The following AGAP1 variants were observed in gnomAD, a reference collection of about 807,000 sequenced individuals.
AGAP1 encodes arf-GAP with GTPase, ANK repeat and PH domain-containing protein 1.
AGAP1 carries 29 observed loss-of-function variants against 105.3 expected under a neutral mutation model. The ratio of observed to expected loss-of-function variants is 0.28; its 90% CI spans 0.21 to 0.38. The LOEUF (loss-of-function observed/expected upper bound fraction) is 0.38. Ranked by LOEUF, AGAP1 falls within the 10% of genes least tolerant of loss-of-function variation. The probability of loss-of-function intolerance (pLI) is 1.00; values close to 1 mark genes in which losing one functional copy is unlikely to be tolerated. For missense variants in AGAP1, 998 were observed against 1,165.1 expected (o/e 0.86, Z 2.09); for synonymous variants, 509 against 485.9 (o/e 1.05, Z -0.63).
Position 235,691,380 on chromosome 2 carries a change from G to A in AGAP1, c.164-17799G>A, listed in dbSNP as rs1354948088. Among the ~76,000 whole-genome samples the A allele has an allele frequency of 1.3e-5, 2 of 152,250 alleles. No individual in the cohort carries two copies. The stretch of plus-strand genomic sequence containing the variant: ...AATGGTTGCCAGTGCCTTACTTTTG[G>A]AGACAGGAATTGTTACACGTCTCCG... On this transcript the variant is annotated intron_variant, in intron 1 of 17. Coordinates refer to ENST00000304032, the MANE Select transcript of AGAP1 (RefSeq NM_001037131.3). This position sits in a 1 kb window ranked among gnomAD's most constrained non-coding sequence, Gnocchi z 4.4.
intron 13 of AGAP1, among the ~76,000 whole-genome samples, chr2:236,007,734 C>A (rs2125546239): frequency 6.6e-6 from 1 of 152,292 alleles, no homozygotes; most frequent in South Asian, 2.1e-4. Context: ...GAATGTTTCC[C>A]ATTATCACTC....
intron 9 of AGAP1, among the ~76,000 whole-genome samples, chr2:235,816,842 G>T (rs575870143): frequency 2.0e-4 from 31 of 151,698 alleles, no homozygotes; most frequent in Middle Eastern, 6.8e-3. Context: ...AGTGAGCCGA[G>T]ATCATGCTAC....
In AGAP1 at chr2:235,901,750, G is replaced by C. The variant is rs1022107528; in HGVS notation, c.1156-6988G>C. 6.6e-6 allele frequency among the ~76,000 whole-genome samples: 1 copy of C among 152,000 alleles called. No homozygotes were observed. The highest frequency in any genetic ancestry group is 1.5e-5 in the Non-Finnish European group (1 of 68,002). ...ACAGAAATTAGGTGAGCATAGGAAC[G>C]TGCCTGTAATCCCAGCTACTCAGGA... is the stretch of plus-strand genomic sequence containing the variant. On this transcript the variant is annotated intron_variant, in intron 10 of 17. Coordinates refer to ENST00000304032, the MANE Select transcript of AGAP1 (RefSeq NM_001037131.3). The surrounding 1 kb of genome is among the most constrained non-coding windows in gnomAD (Gnocchi z 4.3).
rs997642423 is a variant in AGAP1, at chr2:236,036,134, A to G, written c.1646-427A>G. 1.3e-5 allele frequency among the ~76,000 whole-genome samples: 2 copies of G among 152,100 alleles called. No homozygotes were observed. Among genetic ancestry groups the G allele is most frequent in the Admixed American group, 6.5e-5 (1 of 15,274 alleles). On this transcript the variant is annotated intron_variant, in intron 13 of 17. Transcript: ENST00000304032. This position sits in a 1 kb window ranked among gnomAD's most constrained non-coding sequence, Gnocchi z 5.7. ...AGAACCTTCCCGCGTTCCTCTATCCATGGAGTGTCTGTGGATCTACGCGAG... is the reference window on the plus strand; with the variant it reads ...AGAACCTTCCCGCGTTCCTCTATCCGTGGAGTGTCTGTGGATCTACGCGAG...
At position 235,961,636 on chromosome 2, in the gene AGAP1, G is replaced by A. The variant is rs900098173; in HGVS notation, c.1484-6826G>A. ...AAAATGTGAGATGACAGGGCCGGGC[G>A]TGGTGGCTCATGCCTATAATCCCAG... On this transcript the variant is annotated intron_variant, in intron 12 of 17. Coordinates refer to ENST00000304032, the MANE Select transcript of AGAP1 (RefSeq NM_001037131.3). The surrounding 1 kb of genome is among the most constrained non-coding windows in gnomAD (Gnocchi z 5.9). Among the ~76,000 whole-genome samples, 14 of 152,204 alleles carry A rather than the reference G, an allele frequency of 9.2e-5. No homozygotes were observed. Among genetic ancestry groups the A allele is most frequent in the Admixed American group, 3.9e-4 (6 of 15,280 alleles).
rs1944768757 is a variant in AGAP1 at position 235,577,387 on chromosome 2, G to A, written c.163+82538G>A. Reference sequence around the variant, plus strand: ...CACCTGTGGCTGGAGCTACTGTATTGGGCACCACGGCCTTAGGGTTTTGAT... The same window carrying A: ...CACCTGTGGCTGGAGCTACTGTATTAGGCACCACGGCCTTAGGGTTTTGAT... On this transcript the variant is annotated intron_variant, in intron 1 of 17. Coordinates refer to ENST00000304032, the MANE Select transcript of AGAP1 (RefSeq NM_001037131.3). The surrounding 1 kb of genome is among the most constrained non-coding windows in gnomAD (Gnocchi z 4.5). Among the ~76,000 whole-genome samples, 1 of 152,086 alleles carries A rather than the reference G, an allele frequency of 6.6e-6. No individual in the cohort carries two copies. Among genetic ancestry groups the A allele is most frequent in the Non-Finnish European group, 1.5e-5 (1 of 68,034 alleles).
At chr2:235,807,589 G>C (rs1430045895) in intron 9 of AGAP1, among the ~76,000 whole-genome samples, 1 of 152,222 alleles carries the variant, frequency 6.6e-6, no homozygotes, top group Non-Finnish European at 1.5e-5. Context: ...TCCAGGCTGA[G>C]AGCTTTCAAA....
Position 235,721,570 on chromosome 2 carries a change from C to T in AGAP1, c.310+3926C>T, listed in dbSNP as rs1951387008. Among the ~76,000 whole-genome samples, 1 of 152,160 alleles carries T rather than the reference C, an allele frequency of 6.6e-6. No individual in the cohort carries two copies. The highest frequency in any genetic ancestry group is 2.4e-5 in the African/African-American group (1 of 41,432). ...AGCACTGTAGTAACGAACTGCCACA[C>T]ACAGTGTGGCTTAAAACAGAAATGT... On this transcript the variant is annotated intron_variant, in intron 3 of 17. Coordinates refer to ENST00000304032, the MANE Select transcript of AGAP1 (RefSeq NM_001037131.3). This position sits in a 1 kb window ranked among gnomAD's most constrained non-coding sequence, Gnocchi z 4.5.
chr2:235,683,329 T>C (rs1949192233), intron 1 of AGAP1, among the ~76,000 whole-genome samples: 1 of 151,910 alleles, frequency 6.6e-6, no homozygotes, highest in South Asian at 2.1e-4. Context: ...AAAGACAGAA[T>C]TGGTAAAAAT....
At chr2:236,052,981 T>G (rs1162044477) in intron 16 of AGAP1, among the ~76,000 whole-genome samples, 1 of 152,120 alleles carries the variant, frequency 6.6e-6, no homozygotes, top group African/African-American at 2.4e-5. Context: ...TAACTAGGTT[T>G]TAGGGGTTTA....
In AGAP1 at chr2:235,930,681, G is replaced by C; in HGVS notation, c.1325-84G>C. ...CGGTGGTAAGGTGCACTATGTGCCA[G>C]CGTGTGGGTCCCATAGACTAACTCG... is the stretch of plus-strand genomic sequence containing the variant. On this transcript the variant is annotated intron_variant, in intron 11 of 17. Coordinates refer to ENST00000304032, the MANE Select transcript of AGAP1 (RefSeq NM_001037131.3). This position sits in a 1 kb window ranked among gnomAD's most constrained non-coding sequence, Gnocchi z 7.9. 1 of 1,411,466 alleles carries C rather than the reference G, an allele frequency of 7.1e-7. No homozygotes were observed. 87.4% of individuals were successfully genotyped at this position (1,411,466 alleles called of 1,614,324 possible).
Position 235,930,424 on chromosome 2 carries a change from G to T in AGAP1, c.1325-341G>T, listed in dbSNP as rs774399504. 6.6e-6 allele frequency among the ~76,000 whole-genome samples: 1 copy of T among 152,128 alleles called. No individual in the cohort carries two copies. The highest frequency in any genetic ancestry group is 1.9e-4 in the East Asian group (1 of 5,188). ...CCATCTTGCCGGCCTGCCGGATCGC[G>T]GTGTCTCTGCTAAGACTCGCTGGGT... On this transcript the variant is annotated intron_variant, in intron 11 of 17. Coordinates refer to ENST00000304032, the MANE Select transcript of AGAP1 (RefSeq NM_001037131.3). The surrounding 1 kb of genome is among the most constrained non-coding windows in gnomAD (Gnocchi z 7.9).
intron 9 of AGAP1, among the ~76,000 whole-genome samples, chr2:235,834,333 A>C (rs958877352): frequency 6.6e-6 from 1 of 152,180 alleles, no homozygotes; most frequent in Non-Finnish European, 1.5e-5. Context: ...GTCAGACAGA[A>C]CATGGGGACA....
intron 13 of AGAP1, among the ~76,000 whole-genome samples, chr2:236,004,381 CTT>C (rs961163882): frequency 6.6e-6 from 1 of 152,130 alleles, no homozygotes; most frequent in Non-Finnish European, 1.5e-5. Flanking sequence ...TAAGCACAAA[CTT>C]TTTTTCCCAG....
intron 1 of AGAP1, among the ~76,000 whole-genome samples, chr2:235,651,865 G>A (rs1048405007): frequency 5.3e-5 from 8 of 152,230 alleles, no homozygotes; most frequent in African/African-American, 7.2e-5. Context: ...AGGATAAAGC[G>A]GTCCACGGGG....
Position 235,528,707 on chromosome 2 carries a change from C to T in AGAP1, c.163+33858C>T, listed in dbSNP as rs190580471. On this transcript the variant is annotated intron_variant, in intron 1 of 17. Coordinates refer to ENST00000304032, the MANE Select transcript of AGAP1 (RefSeq NM_001037131.3). ...TGTTTGTTTTGAGAAGACGGAGTTT[C>T]GCTCTGTCGCCCAGGCTGGAGTGCA... Among the ~76,000 whole-genome samples the T allele has an allele frequency of 2.9e-3, 446 of 152,214 alleles. 4 individuals carry two copies. The highest frequency in any genetic ancestry group is 0.01 in the African/African-American group (432 of 41,536).
At chr2:236,047,035 A>G (rs2057740867) in intron 15 of AGAP1, among the ~76,000 whole-genome samples, 1 of 152,206 alleles carries the variant, frequency 6.6e-6, no homozygotes, top group African/African-American at 2.4e-5. Flanking sequence ...AAGCTGAGGC[A>G]GGAGGATCAC....
intron 16 of AGAP1, among the ~76,000 whole-genome samples, chr2:236,060,519 T>C (rs2058161376): frequency 6.6e-6 from 1 of 151,172 alleles, no homozygotes; most frequent in East Asian, 2.0e-4. Flanking sequence ...GGATACCCCA[T>C]CTCTATAAAA....
In AGAP1 at chr2:235,777,087, G is replaced by T. The variant is rs113739109; in HGVS notation, c.674-20672G>T. 6 of 470,528 alleles carry T rather than the reference G, an allele frequency of 1.3e-5. No individual in the cohort carries two copies. The highest frequency in any genetic ancestry group is 1.2e-4 in the Admixed American group (5 of 42,554). 29.1% of individuals were successfully genotyped at this position (470,528 alleles called of 1,614,324 possible). On this transcript the variant is annotated intron_variant, in intron 6 of 17. Coordinates refer to ENST00000304032, the MANE Select transcript of AGAP1 (RefSeq NM_001037131.3). This position sits in a 1 kb window ranked among gnomAD's most constrained non-coding sequence, Gnocchi z 5.1. ...ATTAGACAGAAGTGATGCTGGGCGC[G>T]GTGGCTCATGCCTGTAATTCCAGCA...
Sources: allele counts gnomAD v4.1 joint callset (sites outside exome capture counted in the v4.1 genomes callset), GRCh38; gene constraint gnomAD v4.1.1; non-coding constraint Gnocchi (gnomAD v3.1); transcripts MANE v1.5; gene names NCBI Gene and HGNC (gene_info 2026-07-23, HGNC 2026-07-21).